ZBTB21: variants seen among roughly 807,000 people sequenced by gnomAD.
ZBTB21 encodes zinc finger and BTB domain-containing protein 21.
ZBTB21 carries 10 observed loss-of-function variants against 39.8 expected under a neutral mutation model. The ratio of observed to expected loss-of-function variants is 0.25; its 90% CI spans 0.16 to 0.43. The LOEUF (loss-of-function observed/expected upper bound fraction) is 0.43. ZBTB21 is among the 20% of genes least tolerant of loss of function. ZBTB21 has a pLI of 1.00. For missense variants in ZBTB21, 1,221 were observed against 1,296.3 expected (o/e 0.94, Z 0.89); for synonymous variants, 551 against 498.8 (o/e 1.10, Z -1.40).
At position 41,991,074 on chromosome 21, in the gene ZBTB21, A is replaced by G; in HGVS notation, c.3022T>C (p.Ser1008Pro). ...TCTGTGGCTGGAGTTGGGTTTTCGG[A>G]CAGGCCTGTGGGGCTGTCAGGCTCC... ...PLEPDSPTGL[S>P]ENPTPATEKL... The change falls in exon 3 of 3, where the codon TCC becomes CCC. Residue 1008 changes from serine (S) to proline (P), a missense_variant. Ser to Pro is a moderately conservative substitution (Grantham distance 74). Coordinates refer to ENST00000310826, the MANE Select transcript of ZBTB21 (RefSeq NM_001098402.2). This position sits in a 1 kb window ranked among gnomAD's most constrained non-coding sequence, Gnocchi z 4.9. 6.3e-7 allele frequency: 1 copy of G among 1,597,658 alleles called. No individual in the cohort carries two copies. The highest frequency in any genetic ancestry group is 8.5e-7 in the Non-Finnish European group (1 of 1,172,762).
chr21:42,007,049 C>T (rs981926363), intron 1 of ZBTB21, among the ~76,000 whole-genome samples: 2 of 152,366 alleles, frequency 1.3e-5, no homozygotes, highest in Non-Finnish European at 1.5e-5. Context: ...CCTTCCTTGA[C>T]TACTTCATCT....
At chr21:41,994,941 C>A (rs1046919915) in intron 2 of ZBTB21, among the ~76,000 whole-genome samples, 1 of 152,230 alleles carries the variant, frequency 6.6e-6, no homozygotes, top group Non-Finnish European at 1.5e-5. Flanking sequence ...TTCCCCTACA[C>A]AAGTTCTCTC....
At chr21:42,005,276 C>A (rs1310085410) in intron 1 of ZBTB21, among the ~76,000 whole-genome samples, 1 of 152,224 alleles carries the variant, frequency 6.6e-6, no homozygotes, top group Non-Finnish European at 1.5e-5. Context: ...TGTGCTACAG[C>A]CTGATGTGCT....
chr21:41,995,453 A>G (rs1419122521), intron 2 of ZBTB21, among the ~76,000 whole-genome samples: 1 of 152,190 alleles, frequency 6.6e-6, no homozygotes, highest in African/African-American at 2.4e-5. Flanking sequence ...TCAACTTGAG[A>G]GAGATGATTT....
chr21:41,993,256 CA>C lies in ZBTB21; in HGVS notation c.839del (p.Leu280CysfsTer13). The C allele has an allele frequency of 6.2e-7, 1 of 1,611,888 alleles. No homozygotes were observed. Among genetic ancestry groups the C allele is most frequent in the Non-Finnish European group, 8.5e-7 (1 of 1,180,022 alleles). On this transcript the variant is annotated frameshift_variant, in exon 3 of 3. Transcript: ENST00000310826. LOFTEE classifies it high-confidence loss of function. ...GAGTCTCTGATGAGCTACAAACAGA[CA>C]AAACAGGTGGCCGTGGTCTCTTCAA... ...LALKRPRPPVLSVCSSSETPY... is the reference protein window; with the variant it reads ...LALKRPRPPVXSVCSSSETPY...
In ZBTB21 at chr21:41,992,657, A is replaced by T. The variant is rs375747565; in HGVS notation, c.1439T>A (p.Leu480His). Reference protein sequence around the residue: ...TEDDQKDMSRLPAKRRFQADR... With the variant: ...TEDDQKDMSRHPAKRRFQADR... Reference sequence around the variant, plus strand: ...CGCTTGGAACCTCCTTTTTGCTGGGAGTCTGCTCATGTCTTTTTGGTCATC... The same window carrying T: ...CGCTTGGAACCTCCTTTTTGCTGGGTGTCTGCTCATGTCTTTTTGGTCATC... The change falls in exon 3 of 3, where the codon CTC (leucine) becomes CAC (histidine). Residue 480 changes from leucine to histidine, a missense_variant. Coordinates refer to ENST00000310826, the MANE Select transcript of ZBTB21 (RefSeq NM_001098402.2). This position sits in a 1 kb window ranked among gnomAD's most constrained non-coding sequence, Gnocchi z 4.1. The T allele has an allele frequency of 1.2e-6, 2 of 1,613,976 alleles. No individual in the cohort carries two copies. Among genetic ancestry groups the T allele is most frequent in the Non-Finnish European group, 1.7e-6 (2 of 1,179,958 alleles).
intron 1 of ZBTB21, among the ~76,000 whole-genome samples, chr21:42,004,603 G>C (rs969960366): frequency 6.6e-6 from 1 of 152,114 alleles, no homozygotes; most frequent in African/African-American, 2.4e-5. Flanking sequence ...TCCCAGACTA[G>C]CCACAAAACT....
intron 1 of ZBTB21, chr21:42,009,227 G>A (rs2065924568): frequency 6.6e-6 from 1 of 152,166 alleles, no homozygotes; most frequent in African/African-American, 2.4e-5. Flanking sequence ...CCCCGCCTCC[G>A]AACGCGCGCT....
intron 2 of ZBTB21, among the ~76,000 whole-genome samples, chr21:41,994,491 CA>C (rs1321319316): frequency 6.6e-6 from 1 of 152,194 alleles, no homozygotes; most frequent in East Asian, 1.9e-4. Flanking sequence ...TACGAATTAT[CA>C]AACCCCTGAA....
chr21:42,009,881 C>T (rs897952263), intron 1 of ZBTB21, among the ~76,000 whole-genome samples: 11 of 152,174 alleles, frequency 7.2e-5, no homozygotes. Flanking sequence ...GCGTTTCAAC[C>T]GCTCCGCGCG....
At position 41,992,633 on chromosome 21, in the gene ZBTB21, G is replaced by A. The variant is rs1372278157; in HGVS notation, c.1463C>T (p.Ala488Val). 4.3e-6 allele frequency: 7 copies of A among 1,613,942 alleles called. No homozygotes were observed. Among genetic ancestry groups the A allele is most frequent in the Middle Eastern group, 1.6e-4 (1 of 6,082 alleles). The part of the protein sequence containing the change: ...SRLPAKRRFQ[A>V]DRRLPFKKLK... ...CTTCTTAAACGGCAATCTTCGGTCCGCTTGGAACCTCCTTTTTGCTGGGAG... is the reference window on the plus strand; with the variant it reads ...CTTCTTAAACGGCAATCTTCGGTCCACTTGGAACCTCCTTTTTGCTGGGAG... The change falls in exon 3 of 3, where the codon GCG (alanine) becomes GTG (valine). Residue 488 changes from alanine (A) to valine (V), a missense_variant. By Grantham distance (64) the Ala-to-Val change is moderately conservative. This residue lies in a region of ZBTB21 where 500 missense variants were observed against 465.6 expected (regional missense o/e 1.07). Transcript: ENST00000310826. The surrounding 1 kb of genome is among the most constrained non-coding windows in gnomAD (Gnocchi z 4.1).
Position 42,004,430 on chromosome 21 carries a change from T to C in ZBTB21, c.-78-1469A>G, listed in dbSNP as rs180800202. On this transcript the variant is annotated intron_variant, in intron 1 of 2. Coordinates refer to ENST00000310826, the MANE Select transcript of ZBTB21 (RefSeq NM_001098402.2). Reference sequence around the variant, plus strand: ...GAGGGAAGGTAGGCAATTTCGAATATAGAGCATTCTAGTGAGAAGCAGAGG... The same window carrying C: ...GAGGGAAGGTAGGCAATTTCGAATACAGAGCATTCTAGTGAGAAGCAGAGG... Among the ~76,000 whole-genome samples, 333 of 152,228 alleles carry C rather than the reference T, an allele frequency of 2.2e-3. 1 individual carries two copies. Among genetic ancestry groups the C allele is most frequent in the Non-Finnish European group, 3.7e-3 (253 of 68,020 alleles).
rs1356227505 is a variant in ZBTB21 at position 41,990,133 on chromosome 21, T to C, written c.*762A>G. ...AGTGTACATGTAACATGGTACAAGT[T>C]TTTATAACAATGTCTATCACTACTG... On this transcript the variant is annotated 3_prime_UTR_variant, in exon 3 of 3. Transcript: ENST00000310826. The C allele has an allele frequency of 6.6e-6, 1 of 152,322 alleles. No individual in the cohort carries two copies. The highest frequency in any genetic ancestry group is 2.4e-5 in the African/African-American group (1 of 41,442). 9.4% of individuals were successfully genotyped at this position (152,322 alleles called of 1,614,324 possible).
Position 41,992,960 on chromosome 21 carries a change from G to A in ZBTB21, c.1136C>T (p.Ala379Val). 6.2e-7 allele frequency: 1 copy of A among 1,614,158 alleles called. No homozygotes were observed. The highest frequency in any genetic ancestry group is 8.5e-7 in the Non-Finnish European group (1 of 1,180,034). ...SSDAPGNVLC[A>V]LSQKSSLKDC... ...TTTTAAAGATGACTTCTGAGATAAA[G>A]CACACAACACATTCCCTGGTGCATC... The change falls in exon 3 of 3, where the codon GCT becomes GTT. Residue 379 changes from alanine to valine, a missense_variant. This residue lies in a region of ZBTB21 where 500 missense variants were observed against 465.6 expected (regional missense o/e 1.07). Coordinates refer to ENST00000310826, the MANE Select transcript of ZBTB21 (RefSeq NM_001098402.2). This position sits in a 1 kb window ranked among gnomAD's most constrained non-coding sequence, Gnocchi z 4.1.
At chr21:41,996,454 G>C (rs2065748291) in intron 2 of ZBTB21, among the ~76,000 whole-genome samples, 1 of 152,178 alleles carries the variant, frequency 6.6e-6, no homozygotes, top group Admixed American at 6.5e-5. Flanking sequence ...GTAAGCCTCT[G>C]TTTTGGCCAA....
intron 1 of ZBTB21, 56 bp downstream of exon 1, chr21:42,010,196 A>T (rs2065945072): frequency 2.5e-6 from 1 of 395,108 alleles, no homozygotes. Flanking sequence ...GGGAGGCTGT[A>T]GCCTCCCAAG....
rs748296477 is a variant in ZBTB21 at position 41,991,953 on chromosome 21, G to C, written c.2143C>G (p.Pro715Ala). The change falls in exon 3 of 3, where the codon CCA becomes GCA. Residue 715 changes from proline (P) to alanine (A), a missense_variant. Physicochemically the swap from Pro to Ala is conservative, Grantham distance 27. Coordinates refer to ENST00000310826, the MANE Select transcript of ZBTB21 (RefSeq NM_001098402.2). This position sits in a 1 kb window ranked among gnomAD's most constrained non-coding sequence, Gnocchi z 4.9. Reference sequence around the variant, plus strand: ...TGGTAAACCTCCTTGTTTTCTACTGGACTTGCAAGAGGAGCATGCTCTTTT... The same window carrying C: ...TGGTAAACCTCCTTGTTTTCTACTGCACTTGCAAGAGGAGCATGCTCTTTT... ...KPKEHAPLAS[P>A]VENKEVYQCR... is the part of the protein sequence containing the mutation. 25 of 1,614,098 alleles carry C rather than the reference G, an allele frequency of 1.5e-5. No homozygotes were observed. Among genetic ancestry groups the C allele is most frequent in the Non-Finnish European group, 2.0e-5 (24 of 1,180,028 alleles).
intron 1 of ZBTB21, among the ~76,000 whole-genome samples, chr21:42,008,649 ATTTACAAT>A (rs1231113680): frequency 6.6e-6 from 1 of 151,598 alleles, no homozygotes; most frequent in African/African-American, 2.4e-5. Context: ...CAATTTTGTT[ATTTACAAT>A]TTTTCCTTCA....
At chr21:42,001,684 A>C (rs148634093) in intron 2 of ZBTB21, among the ~76,000 whole-genome samples, 52 of 152,366 alleles carry the variant, frequency 3.4e-4, no homozygotes, top group African/African-American at 9.4e-4. Flanking sequence ...CTTTCAGTAG[A>C]ACAGTAACTA....
Sources: gnomAD v4.1 joint callset for allele counts (sites outside exome capture counted in the v4.1 genomes callset) on GRCh38, gnomAD v4.1.1 for gene constraint, gnomAD v4.1.1 regional missense constraint, Gnocchi (gnomAD v3.1) non-coding constraint, MANE v1.5 for transcripts, NCBI Gene and HGNC (gene_info 2026-07-23, HGNC 2026-07-21) for gene names.